Variants in FHIT observed in about 807,000 individuals in gnomAD.
FHIT encodes the protein fragile histidine triad diadenosine triphosphatase, also known as bis(5'-adenosyl)-triphosphatase.
A neutral mutation model predicts 17.9 loss-of-function variants in FHIT; 19 were observed. That is an observed-to-expected ratio of 1.06 (90% CI 0.74 to 1.56). FHIT has a LOEUF of 1.56. Among genes scored for constraint, FHIT ranks in the 40% most tolerant of loss-of-function variants. The pLI, the probability that FHIT is intolerant of heterozygous loss-of-function variation, is 0.00. For missense variants in FHIT, 248 were observed against 189.2 expected, an observed-to-expected ratio of 1.31 and a Z score of -1.82; for synonymous variants, 81 against 69.7, an observed-to-expected ratio of 1.16 and a Z score of -0.81.
intron 5 of FHIT, among the ~76,000 whole-genome samples, chr3:60,530,853 T>G (rs1179325671): frequency 6.6e-6 from 1 of 152,344 alleles, no homozygotes; most frequent in South Asian, 2.1e-4. Context: ...ACTTCCTTTG[T>G]TCCCATTGTC....
At chr3:61,209,525 A>ATT (rs147029808) in intron 1 of FHIT, among the ~76,000 whole-genome samples, 8 of 151,196 alleles carry the variant, frequency 5.3e-5, no homozygotes, top group Middle Eastern at 3.2e-3. Flanking sequence ...TCTTTTTATT[A>ATT]TTTTTTTTCT....
At chr3:61,147,086 T>C (rs1286439794) in intron 2 of FHIT, among the ~76,000 whole-genome samples, 1 of 151,872 alleles carries the variant, frequency 6.6e-6, no homozygotes, top group Non-Finnish European at 1.5e-5. Flanking sequence ...GAACACAGAG[T>C]ACCAAGTTCT....
At chr3:60,741,111 G>A (rs12631593) in intron 4 of FHIT, among the ~76,000 whole-genome samples, 14,621 of 152,148 alleles carry the variant, frequency 0.096, 691 homozygotes, top group Non-Finnish European at 0.11. Context: ...TCAAAGTCAC[G>A]TACTTTTTAA....
intron 8 of FHIT, among the ~76,000 whole-genome samples, chr3:59,919,816 C>T (rs1575696822): frequency 6.6e-6 from 1 of 152,178 alleles, no homozygotes; most frequent in Non-Finnish European, 1.5e-5. Flanking sequence ...ATAAAGAATG[C>T]CATCCCTCAT....
chr3:60,218,213 A>C (rs1703789679), intron 5 of FHIT, among the ~76,000 whole-genome samples: 1 of 152,194 alleles, frequency 6.6e-6, no homozygotes, highest in African/African-American at 2.4e-5. Context: ...ACCACTGAAT[A>C]AGAAATTAAA....
At chr3:59,783,640 T>A (rs920137850) in intron 8 of FHIT, among the ~76,000 whole-genome samples, 2 of 152,180 alleles carry the variant, frequency 1.3e-5, no homozygotes, top group African/African-American at 2.4e-5. Context: ...TAATTCTTAG[T>A]TGAGAGAGGT....
chr3:60,172,639 G>A (rs1701472081), intron 5 of FHIT, among the ~76,000 whole-genome samples: 1 of 151,988 alleles, frequency 6.6e-6, no homozygotes, highest in South Asian at 2.1e-4. Flanking sequence ...AAAATGTTGG[G>A]AAAACGGAAA....
intron 5 of FHIT, among the ~76,000 whole-genome samples, chr3:60,039,476 G>A (rs757428686): frequency 1.3e-5 from 2 of 152,192 alleles, no homozygotes; most frequent in African/African-American, 2.4e-5. Context: ...CTGCTGAGGG[G>A]AAGGCTGCTT....
intron 4 of FHIT, among the ~76,000 whole-genome samples, chr3:60,678,198 A>G (rs1011263100): frequency 6.6e-6 from 1 of 152,280 alleles, no homozygotes; most frequent in East Asian, 1.9e-4. Context: ...TCAAACAGAT[A>G]GAACTGCCTT....
intron 2 of FHIT, among the ~76,000 whole-genome samples, chr3:61,080,156 T>A (rs75775536): frequency 1.3e-5 from 2 of 152,054 alleles, no homozygotes; most frequent in Admixed American, 1.3e-4. Context: ...AATAAAACCA[T>A]ATTTTTACTC....
At chr3:60,605,727 C>G (rs549439873) in intron 4 of FHIT, among the ~76,000 whole-genome samples, 1 of 152,222 alleles carries the variant, frequency 6.6e-6, no homozygotes, top group Non-Finnish European at 1.5e-5. Flanking sequence ...GCTAGAGGTA[C>G]GGACAGGAGG....
At position 60,375,002 on chromosome 3, in the gene FHIT, G is replaced by A. The variant is rs142616915; in HGVS notation, c.103+161858C>T. Among the ~76,000 whole-genome samples, 772 of 151,914 alleles carry A rather than the reference G, an allele frequency of 5.1e-3. 2 individuals carry two copies. Among genetic ancestry groups the A allele is most frequent in the Middle Eastern group, 0.01 (3 of 292 alleles). ...TTCTGCAATATTTGGAGCCTGAAAG[G>A]AGAGACTCTAAGGGTAGCAGTGGTG... On this transcript the variant is annotated intron_variant, in intron 5 of 9. Transcript: ENST00000492590.
chr3:60,757,389 A>G (rs4974239), intron 4 of FHIT, among the ~76,000 whole-genome samples: 43,629 of 152,090 alleles, frequency 0.29, 7,217 homozygotes, highest in Middle Eastern at 0.37. Flanking sequence ...AAAGAAAGAG[A>G]AGCCATTTAT....
At chr3:59,853,344 AT>A (rs1702019786) in intron 8 of FHIT, among the ~76,000 whole-genome samples, 1 of 152,188 alleles carries the variant, frequency 6.6e-6, no homozygotes, top group African/African-American at 2.4e-5. Context: ...CAAACTGGCC[AT>A]TGTAAGCTAG....
At chr3:60,459,885 G>T (rs2032348544) in intron 5 of FHIT, among the ~76,000 whole-genome samples, 1 of 152,132 alleles carries the variant, frequency 6.6e-6, no homozygotes, top group South Asian at 2.1e-4. Context: ...GGTTGGGGAG[G>T]TGAGCAGGGC....
intron 5 of FHIT, among the ~76,000 whole-genome samples, chr3:60,226,647 A>G (rs13316416): frequency 0.029 from 4,423 of 152,190 alleles, 194 homozygotes; most frequent in African/African-American, 0.092. Flanking sequence ...GCATGGAGGG[A>G]AAACAACAGT....
chr3:60,567,911 C>A (rs955482104), intron 4 of FHIT, among the ~76,000 whole-genome samples: 3 of 152,128 alleles, frequency 2.0e-5, no homozygotes, highest in Non-Finnish European at 4.4e-5. Context: ...CAATGAGATA[C>A]CATCTCTCAC....
At chr3:60,182,485 C>T (rs1230636726) in intron 5 of FHIT, among the ~76,000 whole-genome samples, 2 of 152,018 alleles carry the variant, frequency 1.3e-5, no homozygotes, top group Non-Finnish European at 2.9e-5. Flanking sequence ...TTAAATTTTG[C>T]TCAGAGGCCC....
At chr3:60,580,585 T>C (rs2037719050) in intron 4 of FHIT, among the ~76,000 whole-genome samples, 4 of 152,126 alleles carry the variant, frequency 2.6e-5, no homozygotes, top group Non-Finnish European at 5.9e-5. Flanking sequence ...AAGCCAGCTA[T>C]ACAATAGTTG....
Sources: gnomAD v4.1 joint callset for allele counts (sites outside exome capture counted in the v4.1 genomes callset) on GRCh38, gnomAD v4.1.1 for gene constraint, MANE v1.5 for transcripts, NCBI Gene and HGNC (gene_info 2026-07-23, HGNC 2026-07-21) for gene names.